The following SAG variants were observed in gnomAD, a reference collection of about 807,000 sequenced individuals.
The protein encoded by SAG is S-arrestin.
A neutral mutation model predicts 55.0 loss-of-function variants in SAG; 45 were observed. The observed-to-expected ratio is 0.82, with a 90% CI of 0.64 to 1.05. SAG has a LOEUF of 1.05. Among genes scored for constraint, SAG ranks in the 50% least tolerant of loss-of-function variants. The pLI, the probability that SAG is intolerant of heterozygous loss-of-function variation, is 0.00. For synonymous variants in SAG, 189 were observed against 197.4 expected (o/e 0.96, Z 0.36); for missense variants, 455 against 512.1 (o/e 0.89, Z 1.08).
chr2:233,336,458 T>G (rs1700931314), intron 11 of SAG, among the ~76,000 whole-genome samples: 1 of 150,850 alleles, frequency 6.6e-6, no homozygotes, highest in Non-Finnish European at 1.5e-5. Context: ...GAGGTTGTGG[T>G]GAGTCGAGAT....
intron 13 of SAG, among the ~76,000 whole-genome samples, chr2:233,341,550 C>T (rs1018269397): frequency 6.6e-6 from 1 of 152,158 alleles, no homozygotes; most frequent in African/African-American, 2.4e-5. Flanking sequence ...CATGGATAAA[C>T]CTTATACTAA....
chr2:233,314,907 G>T (rs1041528716), intron 2 of SAG, among the ~76,000 whole-genome samples: 4 of 152,184 alleles, frequency 2.6e-5, no homozygotes, highest in African/African-American at 9.7e-5. Flanking sequence ...GGCCAGCCAA[G>T]GGGGCCACAC....
chr2:233,315,881 T>G (rs1700204696), intron 2 of SAG, among the ~76,000 whole-genome samples, 194 bp from the exon 3 acceptor site: 1 of 151,010 alleles, frequency 6.6e-6, no homozygotes, highest in African/African-American at 2.4e-5. Context: ...TTTTATATTT[T>G]TTTTTAGTAG....
intron 10 of SAG, chr2:233,333,555 T>C (rs559142784): frequency 1.3e-5 from 2 of 152,226 alleles, no homozygotes; most frequent in East Asian, 1.9e-4. Flanking sequence ...GCCCTGTGGC[T>C]TCTGGGGCTT....
chr2:233,347,025 C>T lies in SAG; in HGVS notation c.*113C>T, dbSNP rs1055247940. 9.0e-5 allele frequency: 59 copies of T among 652,556 alleles called. No homozygotes were observed. Among genetic ancestry groups the T allele is most frequent in the East Asian group, 1.1e-4 (4 of 36,624 alleles). The allele number at this position is 652,556 out of a possible 1,614,324, so 40.4% of individuals were successfully genotyped here. A position where few individuals can be genotyped will look rare whatever the true frequency, so the allele number is the denominator to read the frequency against. On this transcript the variant is annotated 3_prime_UTR_variant, in exon 16 of 16. Coordinates refer to ENST00000409110, the MANE Select transcript of SAG (RefSeq NM_000541.5). This position sits in a 1 kb window ranked among gnomAD's most constrained non-coding sequence, Gnocchi z 4.5. ...GCGTATGAAAGGATGAGTCTTCTTC[C>T]GAGAAATAAAGCTTGTTTGTTCTCC...
chr2:233,324,870 G>A (rs10168367), intron 6 of SAG, among the ~76,000 whole-genome samples: 30,761 of 152,096 alleles, frequency 0.2, 5,067 homozygotes, highest in African/African-American at 0.46. Flanking sequence ...CATCTGACCC[G>A]TTAGTGGTTC....
intron 7 of SAG, 172 bp from the exon 8 acceptor site, chr2:233,328,306 A>C (rs1362507196): frequency 1.6e-5 from 11 of 669,224 alleles, no homozygotes; most frequent in Non-Finnish European, 2.6e-5. Flanking sequence ...AGGCTCTTCC[A>C]CCGTCAGGGC....
chr2:233,324,439 AG>A (rs1700482823), intron 6 of SAG, among the ~76,000 whole-genome samples: 1 of 152,152 alleles, frequency 6.6e-6, no homozygotes, highest in African/African-American at 2.4e-5. Flanking sequence ...CTGAGGTTAG[AG>A]TGGAAGGGGA....
At chr2:233,317,818 T>C (rs1700252924) in intron 3 of SAG, among the ~76,000 whole-genome samples, 1 of 152,242 alleles carries the variant, frequency 6.6e-6, no homozygotes, top group Admixed American at 6.5e-5. Context: ...TGTATATATA[T>C]ACGTGTGTGT....
At chr2:233,308,684 C>T (rs964341374) in intron 1 of SAG, among the ~76,000 whole-genome samples, 8 of 152,128 alleles carry the variant, frequency 5.3e-5, no homozygotes, top group Non-Finnish European at 1.0e-4. Context: ...GCTTCAGCCT[C>T]CCAGAATGTT....
intron 3 of SAG, among the ~76,000 whole-genome samples, chr2:233,317,705 C>T (rs1354025104): frequency 6.6e-6 from 1 of 152,100 alleles, no homozygotes; most frequent in African/African-American, 2.4e-5. Flanking sequence ...AACCTAGATG[C>T]CCTAACAATA....
At position 233,340,903 on chromosome 2, in the gene SAG, T is replaced by G. The variant is rs560889214; in HGVS notation, c.1046+425T>G. Among the ~76,000 whole-genome samples, 2 of 152,294 alleles carry G rather than the reference T, an allele frequency of 1.3e-5. No homozygotes were observed. Among genetic ancestry groups the G allele is most frequent in the African/African-American group, 4.8e-5 (2 of 41,570 alleles). ...ATCTCGGCTCACCGTGACCTCCACTTCCTGGGTTCAGGCAATCCTCCCGCC... is the reference window on the plus strand; with the variant it reads ...ATCTCGGCTCACCGTGACCTCCACTGCCTGGGTTCAGGCAATCCTCCCGCC... On this transcript the variant is annotated intron_variant, in intron 13 of 15. Coordinates refer to ENST00000409110, the MANE Select transcript of SAG (RefSeq NM_000541.5). The surrounding 1 kb of genome is among the most constrained non-coding windows in gnomAD (Gnocchi z 4.2).
rs753704252 is a variant in SAG at position 233,320,778 on chromosome 2, C to T, written c.330C>T (p.Ser110=). Residue 110 remains serine, a synonymous_variant, in exon 5 of 16, where the codon AGC becomes AGT. Transcript: ENST00000409110. ...AASTPTKLQE[S]LLKKLGSNTY... is the part of the protein sequence containing the mutation. ...GCACCCCCACAAAACTGCAAGAGAG[C>T]CTGCTTAAAAAGCTGGGGAGCAACA... The T allele has an allele frequency of 4.4e-6, 7 of 1,605,754 alleles. No homozygotes were observed. The highest frequency in any genetic ancestry group is 2.7e-5 in the African/African-American group (2 of 74,688).
chr2:233,331,586 T>C (rs921954034), intron 9 of SAG, 54 bp from the exon 10 acceptor site: 23 of 1,152,784 alleles, frequency 2.0e-5, no homozygotes, highest in Non-Finnish European at 3.0e-5. Context: ...GCAGGGAAAG[T>C]GCACGTGTTG....
intron 14 of SAG, chr2:233,342,631 G>A: frequency 3.0e-6 from 1 of 333,944 alleles, no homozygotes; most frequent in South Asian, 6.5e-5. Flanking sequence ...GCTGTCAACA[G>A]ACCTGGATTT....
At chr2:233,313,715 CTTTTT>C (rs58355307) in intron 2 of SAG, among the ~76,000 whole-genome samples, 7 of 78,948 alleles carry the variant, frequency 8.9e-5, no homozygotes, top group African/African-American at 4.8e-5. Context: ...CCGGGCTAAT[CTTTTT>C]TTTTTTTTTT....
In SAG at chr2:233,309,243, G is replaced by C; in HGVS notation, c.54G>C (p.Lys18Asn). 6.2e-7 allele frequency: 1 copy of C among 1,613,790 alleles called. No individual in the cohort carries two copies. The highest frequency in any genetic ancestry group is 8.5e-7 in the Non-Finnish European group (1 of 1,179,756). The change falls in exon 2 of 16, where the codon AAG becomes AAC. Residue 18 changes from lysine (K) to asparagine (N), a missense_variant. Transcript: ENST00000409110. ...SKSEPNHVIF[K>N]KISRDKSVTI... The stretch of plus-strand genomic sequence containing the variant: ...CCGAACCGAACCATGTTATCTTCAA[G>C]AAGATCTCCCGGGACAAATCGGTGA...
In SAG at chr2:233,324,609, A is replaced by G. The variant is rs117236065; in HGVS notation, c.435+1604A>G. Among the ~76,000 whole-genome samples, 95 of 152,278 alleles carry G rather than the reference A, an allele frequency of 6.2e-4. No homozygotes were observed. In the East Asian group the frequency reaches 0.017, roughly 28 times the overall value. On this transcript the variant is annotated intron_variant, in intron 6 of 15. Transcript: ENST00000409110. ...GAGAACAGAGTTGAGATGGCCAAGC[A>G]TGTGCTGTGGGGACTGAGGGTGTGT...
rs547374599 is a variant in SAG at position 233,313,354 on chromosome 2, G to A, written c.76-2721G>A. ...CTGTGGCCAGAGCCCAGGGAAGAGTGGAGCTGTTAGAGAGGATGCTCTCAG... is the reference window on the plus strand; with the variant it reads ...CTGTGGCCAGAGCCCAGGGAAGAGTAGAGCTGTTAGAGAGGATGCTCTCAG... On this transcript the variant is annotated intron_variant, in intron 2 of 15. Transcript: ENST00000409110. Among the ~76,000 whole-genome samples the A allele has an allele frequency of 3.9e-5, 6 of 152,320 alleles. No homozygotes were observed. In the East Asian group the frequency reaches 9.6e-4, roughly 24 times the overall value.
Sources: gnomAD v4.1 joint callset for allele counts (sites outside exome capture counted in the v4.1 genomes callset) on GRCh38, gnomAD v4.1.1 for gene constraint, Gnocchi (gnomAD v3.1) non-coding constraint, MANE v1.5 for transcripts, NCBI Gene and HGNC (gene_info 2026-07-23, HGNC 2026-07-21) for gene names.